PITPNC1: variants seen among roughly 807,000 people sequenced by gnomAD.
PITPNC1 encodes cytoplasmic phosphatidylinositol transfer protein 1.
Under a neutral mutation model 44.7 loss-of-function variants are expected in PITPNC1, and 18 were observed. The ratio of observed to expected loss-of-function variants is 0.40; its 90% CI spans 0.28 to 0.60. The LOEUF is 0.60. Among genes scored for constraint, PITPNC1 ranks in the 20% least tolerant of loss-of-function variants. PITPNC1 has a pLI of 0.39. For missense variants in PITPNC1, 290 were observed against 418.4 expected, an observed-to-expected ratio of 0.69 and a Z score of 2.68; for synonymous variants, 141 against 149.6, an observed-to-expected ratio of 0.94 and a Z score of 0.42.
chr17:67,504,821 A>AG (rs561334313), intron 1 of PITPNC1, among the ~76,000 whole-genome samples: 1 of 152,304 alleles, frequency 6.6e-6, no homozygotes, highest in South Asian at 2.1e-4. Flanking sequence ...TTCAGGTGGA[A>AG]GGTTAAGTTA....
At position 67,424,535 on chromosome 17, in the gene PITPNC1, T is replaced by G. The variant is rs141107181; in HGVS notation, c.48+46333T>G. Among the ~76,000 whole-genome samples the G allele has an allele frequency of 9.7e-3, 1,480 of 151,982 alleles. 26 individuals are homozygous for G. Among genetic ancestry groups the G allele is most frequent in the Non-Finnish European group, 0.014 (918 of 67,960 alleles). On this transcript the variant is annotated intron_variant, in intron 1 of 8. Transcript: ENST00000581322. ...AGCTGGGCGTGGTGGTGGGCGCCTG[T>G]AATCCCAGCTACTCAGGAGGCTGAG...
rs1213999996 is a variant in PITPNC1 at position 67,520,460 on chromosome 17, ATCGGTT to A, written c.49-12339_49-12334del. On this transcript the variant is annotated intron_variant, in intron 1 of 8. Transcript: ENST00000581322. ...AACCTCTCCATTAACTTGAGTTGCG[ATCGGTT>A]TCACATTTCCTGGCAAATCGTTTGA... Among the ~76,000 whole-genome samples the A allele has an allele frequency of 2.6e-5, 4 of 152,180 alleles. No individual in the cohort carries two copies. The East Asian group carries it at 7.7e-4, about 29-fold the overall frequency.
chr17:67,629,555 G>A (rs1021439655), intron 5 of PITPNC1, among the ~76,000 whole-genome samples: 7 of 152,206 alleles, frequency 4.6e-5, no homozygotes, highest in Non-Finnish European at 8.8e-5. Flanking sequence ...GGGCTTACAG[G>A]TGTGAGCCAC....
At chr17:67,624,361 G>A (rs946854882) in intron 5 of PITPNC1, among the ~76,000 whole-genome samples, 1 of 151,538 alleles carries the variant, frequency 6.6e-6, no homozygotes, top group African/African-American at 2.4e-5. Flanking sequence ...ACAGATCCAT[G>A]CCACCACACC....
At chr17:67,682,465 C>T (rs975599398) in intron 8 of PITPNC1, among the ~76,000 whole-genome samples, 3 of 152,166 alleles carry the variant, frequency 2.0e-5, no homozygotes, top group Non-Finnish European at 4.4e-5. Context: ...TATGACCTCA[C>T]GCCCTGAGAT....
chr17:67,393,321 C>T (rs2038166853), intron 1 of PITPNC1, among the ~76,000 whole-genome samples: 1 of 151,968 alleles, frequency 6.6e-6, no homozygotes. Flanking sequence ...ACCCTAAATC[C>T]CTATTTCTCC....
intron 6 of PITPNC1, among the ~76,000 whole-genome samples, chr17:67,651,707 C>G (rs560687859): frequency 6.6e-6 from 1 of 152,304 alleles, no homozygotes; most frequent in African/African-American, 2.4e-5. Flanking sequence ...CCTCTCCCCT[C>G]ACCCATCTCC....
chr17:67,532,231 G>T (rs2040471730), intron 1 of PITPNC1, among the ~76,000 whole-genome samples: 2 of 152,324 alleles, frequency 1.3e-5, no homozygotes, highest in Admixed American at 6.5e-5. Flanking sequence ...TCATGGGGGA[G>T]CCGGGGCCTC....
intron 5 of PITPNC1, among the ~76,000 whole-genome samples, chr17:67,606,113 C>A (rs1370610137): frequency 3.3e-5 from 5 of 152,054 alleles, no homozygotes; most frequent in Non-Finnish European, 7.4e-5. Flanking sequence ...AAGCTTTCTG[C>A]CCTCAACTGG....
intron 6 of PITPNC1, among the ~76,000 whole-genome samples, chr17:67,665,574 A>G (rs1477768158): frequency 1.3e-5 from 2 of 152,208 alleles, no homozygotes; most frequent in Non-Finnish European, 2.9e-5. Flanking sequence ...GTTTCTCCCT[A>G]TCTTTGCCAA....
intron 4 of PITPNC1, among the ~76,000 whole-genome samples, 190 bp downstream of exon 4, chr17:67,553,807 G>T (rs1361182611): frequency 1.3e-5 from 2 of 152,192 alleles, no homozygotes; most frequent in Admixed American, 1.3e-4. Context: ...ATTTGTTCAA[G>T]AATGTGAATC....
intron 1 of PITPNC1, among the ~76,000 whole-genome samples, chr17:67,423,666 G>A (rs1046347011): frequency 1.3e-4 from 20 of 152,118 alleles, no homozygotes; most frequent in African/African-American, 4.6e-4. Flanking sequence ...ATGGATGTGC[G>A]CCCAGGTATG....
chr17:67,659,722 T>G (rs1191088234), intron 6 of PITPNC1, among the ~76,000 whole-genome samples: 1 of 152,126 alleles, frequency 6.6e-6, no homozygotes, highest in Non-Finnish European at 1.5e-5. Flanking sequence ...CTCTTTTCTT[T>G]TTATTTTTTT....
rs2041475992 is a variant in PITPNC1, at chr17:67,597,543, T to C, written c.366+19286T>C. On this transcript the variant is annotated intron_variant, in intron 5 of 8. Transcript: ENST00000581322. The surrounding 1 kb of genome is among the most constrained non-coding windows in gnomAD (Gnocchi z 4.0). Reference sequence around the variant, plus strand: ...TACTCCAGCCTAGGCGACAGAGTGATTGAGACTCCATCTCAACAAAAAAAG... The same window carrying C: ...TACTCCAGCCTAGGCGACAGAGTGACTGAGACTCCATCTCAACAAAAAAAG... Among the ~76,000 whole-genome samples the C allele has an allele frequency of 6.6e-6, 1 of 152,080 alleles. No homozygotes were observed. Among genetic ancestry groups the C allele is most frequent in the African/African-American group, 2.4e-5 (1 of 41,434 alleles).
chr17:67,684,440 T>G (rs1371048938), intron 8 of PITPNC1, among the ~76,000 whole-genome samples: 6 of 151,864 alleles, frequency 4.0e-5, no homozygotes, highest in South Asian at 2.1e-4. Flanking sequence ...AAATAATGTT[T>G]TTTTTTTTCT....
At chr17:67,386,986 G>A (rs62084076) in intron 1 of PITPNC1, among the ~76,000 whole-genome samples, 44,360 of 152,038 alleles carry the variant, frequency 0.29, 7,428 homozygotes, top group African/African-American at 0.45. Context: ...AGGATGAGGC[G>A]CAAATATATT....
At chr17:67,382,475 G>A (rs2037976811) in intron 1 of PITPNC1, among the ~76,000 whole-genome samples, 1 of 152,116 alleles carries the variant, frequency 6.6e-6, no homozygotes, top group African/African-American at 2.4e-5. Flanking sequence ...TGTGTTAAAT[G>A]TGGTGGTCTC....
intron 6 of PITPNC1, among the ~76,000 whole-genome samples, chr17:67,647,463 GGTTTTTTTTTTTT>G (rs1241311428): frequency 9.3e-4 from 84 of 90,616 alleles, no homozygotes; most frequent in African/African-American, 3.0e-3. Flanking sequence ...GCTAATTTTG[GGTTTTTTTTTTTT>G]TTTTTTTTTT....
At chr17:67,588,634 T>C (rs111629648) in intron 5 of PITPNC1, among the ~76,000 whole-genome samples, 9 of 152,336 alleles carry the variant, frequency 5.9e-5, no homozygotes, top group African/African-American at 1.9e-4. Context: ...TGGTACTATC[T>C]GAGGTCTCAC....
Sources: allele counts gnomAD v4.1 joint callset (sites outside exome capture counted in the v4.1 genomes callset), GRCh38; gene constraint gnomAD v4.1.1; non-coding constraint Gnocchi (gnomAD v3.1); transcripts MANE v1.5; gene names NCBI Gene and HGNC (gene_info 2026-07-23, HGNC 2026-07-21).